FRMD5: variants seen among roughly 807,000 people sequenced by gnomAD.
FRMD5 encodes FERM domain-containing protein 5.
In FRMD5, 20 loss-of-function variants were observed where a neutral mutation model predicts 69.0. The observed-to-expected ratio is 0.29, with a 90% CI of 0.20 to 0.42. FRMD5 has a LOEUF of 0.42. FRMD5 is among the 10% of genes least tolerant of loss of function. The pLI, the probability that FRMD5 is intolerant of heterozygous loss-of-function variation, is 1.00. For missense variants in FRMD5, 595 were observed against 708.6 expected (o/e 0.84, Z 1.82); for synonymous variants, 271 against 260.1 (o/e 1.04, Z -0.40).
chr15:44,067,153 G>C (rs1893345780), intron 1 of FRMD5, among the ~76,000 whole-genome samples: 1 of 152,176 alleles, frequency 6.6e-6, no homozygotes, highest in African/African-American at 2.4e-5. Context: ...TATTGAGACA[G>C]AGGAAGTTGA....
intron 1 of FRMD5, among the ~76,000 whole-genome samples, chr15:44,184,992 A>C (rs1033460236): frequency 1.3e-5 from 2 of 152,242 alleles, no homozygotes. Flanking sequence ...ATATCTCCTT[A>C]CCATAAAATT....
intron 1 of FRMD5, among the ~76,000 whole-genome samples, chr15:43,943,631 GA>G (rs1199980808): frequency 1.3e-5 from 2 of 152,200 alleles, no homozygotes; most frequent in African/African-American, 4.8e-5. Context: ...AGACCATGAA[GA>G]GACATAGACA....
chr15:43,940,085 G>T (rs1366519414), intron 1 of FRMD5, among the ~76,000 whole-genome samples: 2 of 152,320 alleles, frequency 1.3e-5, no homozygotes, highest in Middle Eastern at 3.4e-3. Flanking sequence ...GCTGCGGAGA[G>T]ACAATCACTT....
chr15:43,990,082 A>C, intron 1 of FRMD5: 1 of 687,108 alleles, frequency 1.5e-6, no homozygotes, highest in Non-Finnish European at 2.7e-6. Flanking sequence ...GCGCCCCACA[A>C]TGAAGGGGAA....
chr15:43,909,121 G>A (rs2140416896), intron 5 of FRMD5, among the ~76,000 whole-genome samples: 2 of 152,198 alleles, frequency 1.3e-5, no homozygotes, highest in African/African-American at 4.8e-5. Flanking sequence ...TTGGCTGGGT[G>A]TGGTGGCTCA....
At position 43,905,950 on chromosome 15, in the gene FRMD5, C is replaced by G; in HGVS notation, c.429G>C (p.Ala143=). 2 of 1,614,178 alleles carry G rather than the reference C, an allele frequency of 1.2e-6. No homozygotes were observed. Among genetic ancestry groups the G allele is most frequent in the Non-Finnish European group, 1.7e-6 (2 of 1,180,034 alleles). Residue 143 remains alanine (A), a splice_region_variant and synonymous_variant, in exon 6 of 14, where the codon GCG becomes GCC. Transcript: ENST00000417257. ...AALLAAYILQ[A]EIGDYDSGKH... ...TCCCTGAGTCATAATCCCCAATCTC[C>G]GCTTTCAAAAGGAAGGTGGAAGAAA...
intron 1 of FRMD5, among the ~76,000 whole-genome samples, chr15:43,993,239 C>A (rs1889767623): frequency 1.3e-5 from 2 of 152,100 alleles, no homozygotes; most frequent in Admixed American, 1.3e-4. Context: ...TGTTGCCAGG[C>A]TGGAATGCAG....
chr15:43,897,631 T>C (rs1286972033), intron 7 of FRMD5, among the ~76,000 whole-genome samples: 7 of 152,080 alleles, frequency 4.6e-5, no homozygotes, highest in African/African-American at 1.7e-4. Flanking sequence ...TGTAATTTTA[T>C]TTTTGTGGTT....
rs200245404 is a variant in FRMD5, at chr15:43,919,823, C to G, written c.208-14G>C. ...TTCCAGCCAATGCTGAAACAGAGAA[C>G]ACAGAACATGAAAACCCTAATGAGA... On this transcript the variant is annotated splice_polypyrimidine_tract_variant and intron_variant, in intron 2 of 13. Transcript: ENST00000417257. The G allele has an allele frequency of 2.1e-4, 331 of 1,612,698 alleles. No individual in the cohort carries two copies. The Middle Eastern group carries it at 4.6e-3, about 23-fold the overall frequency.
chr15:43,972,991 T>C (rs1371182672), intron 1 of FRMD5, among the ~76,000 whole-genome samples: 1 of 152,190 alleles, frequency 6.6e-6, no homozygotes, highest in Non-Finnish European at 1.5e-5. Flanking sequence ...ATATGACTTC[T>C]TTCTAGATTT....
intron 1 of FRMD5, among the ~76,000 whole-genome samples, chr15:44,105,161 C>T (rs2076698620): frequency 1.3e-5 from 2 of 150,538 alleles, no homozygotes; most frequent in Non-Finnish European, 2.9e-5. Context: ...ACTGCAGCCT[C>T]GATGTCCCAG....
intron 6 of FRMD5, 137 bp downstream of exon 6, chr15:43,905,691 A>T: frequency 1.9e-6 from 2 of 1,049,000 alleles, no homozygotes; most frequent in Non-Finnish European, 2.8e-6. Flanking sequence ...ACAATGGTAC[A>T]TCCGCGGTCA....
intron 1 of FRMD5, among the ~76,000 whole-genome samples, chr15:43,968,206 C>T (rs989750316): frequency 6.6e-6 from 1 of 152,032 alleles, no homozygotes; most frequent in Non-Finnish European, 1.5e-5. Flanking sequence ...TCATCTGTAC[C>T]CCAACCGCCC....
intron 1 of FRMD5, among the ~76,000 whole-genome samples, chr15:44,189,394 G>A (rs969375733): frequency 1.3e-5 from 2 of 152,034 alleles, no homozygotes; most frequent in Non-Finnish European, 2.9e-5. Flanking sequence ...GCCTGATGGA[G>A]AAACTGGAGG....
intron 1 of FRMD5, among the ~76,000 whole-genome samples, chr15:43,943,714 C>A (rs943183207): frequency 4.6e-5 from 7 of 152,206 alleles, no homozygotes; most frequent in Non-Finnish European, 1.5e-5. Flanking sequence ...GGATTGCCAG[C>A]AACCACTAGC....
chr15:44,168,418 G>A (rs2077745277), intron 1 of FRMD5, among the ~76,000 whole-genome samples: 1 of 152,202 alleles, frequency 6.6e-6, no homozygotes, highest in Non-Finnish European at 1.5e-5. Flanking sequence ...ATAAGGATTA[G>A]TGGAAGAATC....
chr15:43,989,185 C>T (rs375511167), intron 1 of FRMD5: 52 of 859,126 alleles, frequency 6.1e-5, no homozygotes, highest in South Asian at 4.9e-4. Flanking sequence ...GGAGTACTTG[C>T]GCTTGGGAGG....
intron 1 of FRMD5, among the ~76,000 whole-genome samples, chr15:44,034,707 A>T (rs191747291): frequency 1.7e-3 from 256 of 152,300 alleles, no homozygotes; most frequent in African/African-American, 5.0e-3. Context: ...CATCCTCAGC[A>T]ACTTCAGCTA....
intron 1 of FRMD5, among the ~76,000 whole-genome samples, chr15:44,186,677 T>G (rs1403453013): frequency 6.6e-6 from 1 of 152,248 alleles, no homozygotes; most frequent in East Asian, 1.9e-4. Context: ...CCTTAATCTC[T>G]CCAATAAAGT....
Sources: allele counts gnomAD v4.1 joint callset (sites outside exome capture counted in the v4.1 genomes callset), GRCh38; gene constraint gnomAD v4.1.1; transcripts MANE v1.5; gene names NCBI Gene and HGNC (gene_info 2026-07-23, HGNC 2026-07-21).